The following ATP8B4 variants were observed in gnomAD, a reference collection of about 807,000 sequenced individuals.
ATP8B4 encodes the protein ATPase phospholipid transporting 8B4 (putative).
ATP8B4 carries 133 observed loss-of-function variants against 145.6 expected under a neutral mutation model. The observed-to-expected ratio is 0.91, with a 90% CI of 0.79 to 1.05. ATP8B4 has a LOEUF of 1.05. Among genes scored for constraint, ATP8B4 ranks in the 50% least tolerant of loss-of-function variants. The pLI is 0.00. For missense variants in ATP8B4, 1,458 were observed against 1,425.2 expected (o/e 1.02, Z -0.37); for synonymous variants, 507 against 492.9 (o/e 1.03, Z -0.38).
chr15:50,012,742 G>A (rs1266812320), intron 6 of ATP8B4, among the ~76,000 whole-genome samples: 1 of 152,126 alleles, frequency 6.6e-6, no homozygotes, highest in Non-Finnish European at 1.5e-5. Context: ...AATGTAACTA[G>A]AGTTTACAGA....
At chr15:49,997,524 C>T (rs1007949862) in intron 8 of ATP8B4, among the ~76,000 whole-genome samples, 15 of 152,154 alleles carry the variant, frequency 9.9e-5, no homozygotes, top group African/African-American at 3.6e-4. Context: ...TGGTACTTTC[C>T]TTCAGTCAAC....
At chr15:50,163,889 G>T (rs2044557093) in intron 1 of ATP8B4, among the ~76,000 whole-genome samples, 1 of 152,120 alleles carries the variant, frequency 6.6e-6, no homozygotes, top group South Asian at 2.1e-4. Context: ...TTAAGCAGAA[G>T]AGTCTCTCCC....
At chr15:50,117,604 A>G (rs545395208) in intron 1 of ATP8B4, among the ~76,000 whole-genome samples, 2 of 152,300 alleles carry the variant, frequency 1.3e-5, no homozygotes, top group South Asian at 4.1e-4. Flanking sequence ...TGGTTTCTCA[A>G]AAAAAGTGAA....
intron 23 of ATP8B4, chr15:49,896,579 G>A (rs1430585418): frequency 6.6e-6 from 1 of 152,048 alleles, no homozygotes; most frequent in Non-Finnish European, 1.5e-5. Flanking sequence ...TTCTTGTATT[G>A]TTGTTCAAAA....
intron 14 of ATP8B4, among the ~76,000 whole-genome samples, chr15:49,936,204 T>C (rs892396442): frequency 6.6e-6 from 1 of 152,176 alleles, no homozygotes; most frequent in Non-Finnish European, 1.5e-5. Context: ...CACTCAAGGC[T>C]GATTGTTTGT....
At chr15:50,054,914 C>T (rs776039899) in intron 3 of ATP8B4, among the ~76,000 whole-genome samples, 1 of 151,412 alleles carries the variant, frequency 6.6e-6, no homozygotes, top group Non-Finnish European at 1.5e-5. Context: ...AAACAATGTG[C>T]CAAATTCCTT....
At chr15:49,958,069 T>A (rs560951137) in intron 14 of ATP8B4, among the ~76,000 whole-genome samples, 14 of 151,804 alleles carry the variant, frequency 9.2e-5, no homozygotes, top group African/African-American at 3.1e-4. Flanking sequence ...TATTCTTTTA[T>A]TAACAGTGCA....
chr15:50,002,087 T>A, intron 8 of ATP8B4, 66 bp downstream of exon 8: 1 of 1,333,162 alleles, frequency 7.5e-7, no homozygotes, highest in Non-Finnish European at 1.0e-6. Flanking sequence ...TTAAGTCTTA[T>A]CTCTAAAGAC....
At chr15:50,085,877 TTATATATTTATATATGATATATATCA>T (rs75284088) in intron 2 of ATP8B4, among the ~76,000 whole-genome samples, 9,099 of 34,422 alleles carry the variant, frequency 0.26, 1,309 homozygotes, top group Non-Finnish European at 0.33. Context: ...TCATATATAT[TTATATATTTATATATGATATATATCA>T]TATATATTTA....
chr15:49,869,879 G>A (rs1361651185), intron 25 of ATP8B4, among the ~76,000 whole-genome samples: 1 of 152,032 alleles, frequency 6.6e-6, no homozygotes, highest in Non-Finnish European at 1.5e-5. Flanking sequence ...CTATCTTTTT[G>A]AGAACGTATT....
intron 4 of ATP8B4, 48 bp downstream of exon 4, chr15:50,047,303 G>A (rs2051799570): frequency 8.4e-7 from 1 of 1,188,812 alleles, no homozygotes; most frequent in African/African-American, 1.5e-5. Context: ...ACAATTTTAT[G>A]AATACTTTAA....
chr15:49,901,223 A>C lies in ATP8B4; in HGVS notation c.2158T>G (p.Leu720Val), dbSNP rs751479995. 12 of 1,613,324 alleles carry C rather than the reference A, an allele frequency of 7.4e-6. No individual in the cohort carries two copies. In the South Asian group the frequency reaches 1.1e-4, roughly 15 times the overall value. ...REELRKAKQN[L>V]FGQNRNFSNG... ...GAAAAATTTCTGTTTTGTCCAAACAAATTTTGTTTTGCTTTCCTTAAAGGA... is the reference window on the plus strand; with the variant it reads ...GAAAAATTTCTGTTTTGTCCAAACACATTTTGTTTTGCTTTCCTTAAAGGA... Residue 720 changes from leucine to valine, a missense_variant, in exon 21 of 28, where the codon TTG (leucine) becomes GTG (valine). Coordinates refer to ENST00000284509, the MANE Select transcript of ATP8B4 (RefSeq NM_024837.4).
At chr15:50,050,737 T>C (rs142772340) in intron 3 of ATP8B4, among the ~76,000 whole-genome samples, 29 of 152,276 alleles carry the variant, frequency 1.9e-4, no homozygotes, top group African/African-American at 6.5e-4. Flanking sequence ...AGGTTTAATA[T>C]GTTTTATATA....
At chr15:50,085,326 C>T (rs1315414302) in intron 2 of ATP8B4, among the ~76,000 whole-genome samples, 3 of 152,180 alleles carry the variant, frequency 2.0e-5, no homozygotes, top group African/African-American at 7.2e-5. Context: ...ATCATCTCCT[C>T]CACTTTAACG....
chr15:50,005,556 C>T (rs1278054477), intron 7 of ATP8B4, among the ~76,000 whole-genome samples: 1 of 152,078 alleles, frequency 6.6e-6, no homozygotes, highest in Non-Finnish European at 1.5e-5. Flanking sequence ...ATAGACTCTA[C>T]CACACCCACC....
At chr15:50,157,087 AG>A (rs1333400459) in intron 1 of ATP8B4, among the ~76,000 whole-genome samples, 2 of 152,244 alleles carry the variant, frequency 1.3e-5, no homozygotes, top group Non-Finnish European at 2.9e-5. Context: ...AATTAGGCAC[AG>A]AGAAAGAACC....
intron 2 of ATP8B4, among the ~76,000 whole-genome samples, chr15:50,102,742 T>A (rs888012372): frequency 5.4e-5 from 8 of 149,344 alleles, no homozygotes; most frequent in Non-Finnish European, 1.2e-4. Flanking sequence ...AATCATTCTA[T>A]GAAGCCAGTA....
chr15:50,072,729 G>T (rs537182395), intron 3 of ATP8B4, among the ~76,000 whole-genome samples: 1 of 151,422 alleles, frequency 6.6e-6, no homozygotes, highest in African/African-American at 2.4e-5. Flanking sequence ...GGGTTCAAGC[G>T]GTTCTCCTGC....
chr15:50,127,158 T>C (rs1284356505), intron 1 of ATP8B4, among the ~76,000 whole-genome samples: 1 of 152,226 alleles, frequency 6.6e-6, no homozygotes, highest in Non-Finnish European at 1.5e-5. Context: ...CCTCCATGTA[T>C]TGATTTATGG....
Sources: allele counts gnomAD v4.1 joint callset (sites outside exome capture counted in the v4.1 genomes callset), GRCh38; gene constraint gnomAD v4.1.1; transcripts MANE v1.5; gene names NCBI Gene and HGNC (gene_info 2026-07-23, HGNC 2026-07-21).